IFT43: variants seen among roughly 807,000 people sequenced by gnomAD.
IFT43 encodes intraflagellar transport 43, also known as intraflagellar transport protein 43 homolog.
Under a neutral mutation model 32.3 loss-of-function variants are expected in IFT43, and 33 were observed. The ratio of observed to expected loss-of-function variants is 1.02; its 90% CI spans 0.77 to 1.37. The LOEUF is 1.37. IFT43 is among the 40% of genes most tolerant of loss of function. The pLI is 0.00. For missense variants in IFT43, 274 were observed against 265.9 expected, an observed-to-expected ratio of 1.03 and a Z score of -0.21; for synonymous variants, 93 against 98.2, an observed-to-expected ratio of 0.95 and a Z score of 0.31.
downstream of IFT43, chr14:76,084,017 C>G: frequency 2.2e-6 from 1 of 455,622 alleles, no homozygotes; most frequent in Non-Finnish European, 4.4e-6. Context: ...GCACTGCCAC[C>G]TGCATCATAG....
At chr14:76,018,368 T>C (rs551900155) in intron 2 of IFT43, among the ~76,000 whole-genome samples, 1 of 152,280 alleles carries the variant, frequency 6.6e-6, no homozygotes, top group South Asian at 2.1e-4. Flanking sequence ...CCATAATTCC[T>C]CTTGTTATTG....
chr14:76,083,084 AT>A (rs771754174), intron 7 of IFT43, 142 bp from the exon 8 acceptor site: 2 of 843,020 alleles, frequency 2.4e-6, no homozygotes, highest in Non-Finnish European at 4.0e-6. Flanking sequence ...TTCATTCATG[AT>A]TTTACTCTCT....
intron 3 of IFT43, among the ~76,000 whole-genome samples, chr14:76,029,851 TTTTTATTTTATTTTATTTTATTTTA>T (rs58097236): frequency 8.5e-6 from 1 of 117,462 alleles, no homozygotes; most frequent in East Asian, 2.3e-4. Context: ...TTTATTTTTA[TTTTTATTTTATTTTATTTTATTTTA>T]TTTTATTTTA....
At chr14:76,077,905 C>T (rs1046874130) in intron 5 of IFT43, among the ~76,000 whole-genome samples, 1 of 152,228 alleles carries the variant, frequency 6.6e-6, no homozygotes, top group African/African-American at 2.4e-5. Context: ...TGCAGAAATA[C>T]GTATTCTTCC....
chr14:75,986,156 T>G, intron 1 of IFT43: 1 of 1,354,312 alleles, frequency 7.4e-7, no homozygotes, highest in South Asian at 1.2e-5. Flanking sequence ...CCAGAACAGA[T>G]CGATCACAGG....
rs1234292675 is a variant in IFT43, at chr14:76,005,544, G to A, written c.147+16567G>A. 2.0e-5 allele frequency among the ~76,000 whole-genome samples: 3 copies of A among 152,184 alleles called. No individual in the cohort carries two copies. The South Asian group carries it at 6.2e-4, about 32-fold the overall frequency. On this transcript the variant is annotated intron_variant, in intron 2 of 8. Coordinates refer to ENST00000314067, the MANE Select transcript of IFT43 (RefSeq NM_001102564.3). Reference sequence around the variant, plus strand: ...GTTTCTTGGAGTCTCCTTTATGCATGTACAATTCAGGTATTGACTGAGAAT... The same window carrying A: ...GTTTCTTGGAGTCTCCTTTATGCATATACAATTCAGGTATTGACTGAGAAT...
At chr14:76,009,805 T>C (rs550865636) in intron 2 of IFT43, among the ~76,000 whole-genome samples, 5 of 152,190 alleles carry the variant, frequency 3.3e-5, no homozygotes, top group Non-Finnish European at 7.4e-5. Context: ...CTAGTGGTTT[T>C]TTTTTTTGAG....
intron 3 of IFT43, among the ~76,000 whole-genome samples, chr14:76,037,176 G>GGTGTA (rs61649985): frequency 0.3 from 45,879 of 151,818 alleles, 6,930 homozygotes; most frequent in African/African-American, 0.32. Flanking sequence ...CTGATAGTTA[G>GGTGTA]GTGTAGCTCT....
intron 2 of IFT43, among the ~76,000 whole-genome samples, chr14:76,002,738 A>G (rs2035912575): frequency 6.6e-6 from 1 of 152,210 alleles, no homozygotes; most frequent in African/African-American, 2.4e-5. Flanking sequence ...TTTTGAAAGA[A>G]GTGTTTTCAT....
chr14:76,072,353 C>T (rs2037336467), intron 5 of IFT43, among the ~76,000 whole-genome samples: 1 of 152,164 alleles, frequency 6.6e-6, no homozygotes, highest in African/African-American at 2.4e-5. Flanking sequence ...ATCACTGGGC[C>T]ATGAGACTTG....
intron 1 of IFT43, chr14:75,986,117 G>A (rs1461689328): frequency 1.4e-6 from 2 of 1,421,242 alleles, no homozygotes; most frequent in East Asian, 3.3e-5. Context: ...GCCTTTCTCC[G>A]TTTTCTAGAG....
chr14:76,057,613 G>T (rs960018973), intron 3 of IFT43, among the ~76,000 whole-genome samples: 1 of 151,610 alleles, frequency 6.6e-6, no homozygotes, highest in Non-Finnish European at 1.5e-5. Flanking sequence ...TTTGCGTTTT[G>T]CAAGAATTGC....
At chr14:76,056,636 T>C (rs183886864) in intron 3 of IFT43, among the ~76,000 whole-genome samples, 48 of 152,376 alleles carry the variant, frequency 3.2e-4, no homozygotes, top group African/African-American at 1.2e-3. Flanking sequence ...CCTTCCTTCC[T>C]AGCCTCTTTA....
At chr14:76,004,969 T>A (rs2035954589) in intron 2 of IFT43, among the ~76,000 whole-genome samples, 1 of 152,230 alleles carries the variant, frequency 6.6e-6, no homozygotes, top group Non-Finnish European at 1.5e-5. Context: ...ATTATGGCCA[T>A]CTTTTCCCAT....
At chr14:76,038,541 A>G (rs1198388159) in intron 3 of IFT43, among the ~76,000 whole-genome samples, 1 of 152,226 alleles carries the variant, frequency 6.6e-6, no homozygotes, top group Non-Finnish European at 1.5e-5. Context: ...GGACAGAAAG[A>G]TGATAGAGGA....
chr14:76,043,388 A>T lies in IFT43; in HGVS notation c.216-15254A>T, dbSNP rs575809567. The stretch of plus-strand genomic sequence containing the variant: ...GAAGAGCTCGTGTGCAGGGCCTGGA[A>T]CTCCAGGCAGGCCCTCCTTTTTTAG... On this transcript the variant is annotated intron_variant, in intron 3 of 8. Coordinates refer to ENST00000314067, the MANE Select transcript of IFT43 (RefSeq NM_001102564.3). 2.6e-4 allele frequency among the ~76,000 whole-genome samples: 40 copies of T among 151,874 alleles called. No homozygotes were observed. The East Asian group carries it at 6.8e-3, about 26-fold the overall frequency.
intron 1 of IFT43, chr14:75,986,095 G>A: frequency 1.4e-6 from 2 of 1,458,490 alleles, no homozygotes; most frequent in Non-Finnish European, 1.8e-6. Context: ...TAGGACCGTG[G>A]GAAATTTCCG....
intron 2 of IFT43, among the ~76,000 whole-genome samples, chr14:75,999,279 A>ATTTT (rs2035835976): frequency 9.7e-5 from 2 of 20,672 alleles, no homozygotes; most frequent in African/African-American, 1.5e-4. Context: ...ATATGTATAT[A>ATTTT]TATTTTTTTT....
At chr14:76,051,623 C>G (rs2036915397) in intron 3 of IFT43, among the ~76,000 whole-genome samples, 1 of 152,130 alleles carries the variant, frequency 6.6e-6, no homozygotes, top group Non-Finnish European at 1.5e-5. Context: ...TAAAATTTAC[C>G]TCAATGAGGT....
Sources: allele counts gnomAD v4.1 joint callset (sites outside exome capture counted in the v4.1 genomes callset), GRCh38; gene constraint gnomAD v4.1.1; transcripts MANE v1.5; gene names NCBI Gene and HGNC (gene_info 2026-07-23, HGNC 2026-07-21).